The following SOBP variants were observed in gnomAD, a reference collection of about 807,000 sequenced individuals.
The protein encoded by SOBP is sine oculis-binding protein homolog.
In SOBP, 4 loss-of-function variants were observed where a neutral mutation model predicts 53.6. The ratio of observed to expected loss-of-function variants is 0.07; its 90% CI spans 0.04 to 0.17. The LOEUF (loss-of-function observed/expected upper bound fraction) is 0.17, where lower values mean the gene tolerates loss of function less well. SOBP is among the 10% of genes least tolerant of loss of function. The pLI, the probability that SOBP is intolerant of heterozygous loss-of-function variation, is 1.00. For synonymous variants in SOBP, 584 were observed against 522.6 expected (o/e 1.12, Z -1.60); for missense variants, 1,088 against 1,204.7 (o/e 0.90, Z 1.43).
intron 4 of SOBP, among the ~76,000 whole-genome samples, chr6:107,554,637 A>C (rs1437098509): frequency 6.6e-6 from 1 of 152,172 alleles, no homozygotes; most frequent in Non-Finnish European, 1.5e-5. Flanking sequence ...TGGAGCCACC[A>C]ATCTGCAGAA....
chr6:107,503,570 G>A (rs1782898221), intron 1 of SOBP, 87 bp from the exon 2 acceptor site: 3 of 1,438,556 alleles, frequency 2.1e-6, no homozygotes, highest in South Asian at 1.1e-5. Context: ...AAATAAATGA[G>A]GTAGGACAAG....
At chr6:107,535,440 T>C (rs1275920043) in intron 4 of SOBP, among the ~76,000 whole-genome samples, 4 of 152,242 alleles carry the variant, frequency 2.6e-5, no homozygotes, top group Non-Finnish European at 5.9e-5. Context: ...CCAGGCGTTA[T>C]TGGGATATGT....
At chr6:107,614,378 A>G (rs1028857674) in intron 5 of SOBP, among the ~76,000 whole-genome samples, 2 of 152,198 alleles carry the variant, frequency 1.3e-5, no homozygotes, top group African/African-American at 2.4e-5. Flanking sequence ...TAAAAAATAT[A>G]TATATGAAAG....
At chr6:107,573,167 G>T (rs1785125691) in intron 4 of SOBP, among the ~76,000 whole-genome samples, 1 of 152,158 alleles carries the variant, frequency 6.6e-6, no homozygotes, top group South Asian at 2.1e-4. Context: ...TGTGTAGAGG[G>T]TTAGGATCCT....
At chr6:107,599,662 A>G (rs1786105399) in intron 5 of SOBP, among the ~76,000 whole-genome samples, 1 of 151,268 alleles carries the variant, frequency 6.6e-6, no homozygotes, top group East Asian at 1.9e-4. Context: ...AAAATCCTAC[A>G]TTTCTTAATT....
chr6:107,557,417 A>G (rs566848042), intron 4 of SOBP, among the ~76,000 whole-genome samples: 1 of 152,364 alleles, frequency 6.6e-6, no homozygotes, highest in African/African-American at 2.4e-5. Context: ...CTGTCTGTAT[A>G]TCAAATTGTT....
chr6:107,542,272 G>A (rs542998414), intron 4 of SOBP, among the ~76,000 whole-genome samples: 1 of 152,286 alleles, frequency 6.6e-6, no homozygotes, highest in African/African-American at 2.4e-5. Flanking sequence ...GACGGAGCTA[G>A]TTGTGTGTGA....
At chr6:107,493,319 G>A (rs1414708054) in intron 1 of SOBP, among the ~76,000 whole-genome samples, 1 of 152,094 alleles carries the variant, frequency 6.6e-6, no homozygotes, top group Non-Finnish European at 1.5e-5. Context: ...ATCACTGCCC[G>A]GCAGAAAGAA....
chr6:107,493,039 T>C (rs1782615914), intron 1 of SOBP, among the ~76,000 whole-genome samples: 1 of 152,184 alleles, frequency 6.6e-6, no homozygotes, highest in Non-Finnish European at 1.5e-5. Context: ...AGCTCCTTAA[T>C]ATCTTTCTGT....
At chr6:107,548,432 C>T (rs944987483) in intron 4 of SOBP, among the ~76,000 whole-genome samples, 5 of 151,860 alleles carry the variant, frequency 3.3e-5, no homozygotes, top group East Asian at 2.0e-4. Context: ...TTAGTAGAGA[C>T]AGGGTTTCAT....
At chr6:107,553,345 T>TA (rs201352280) in intron 4 of SOBP, among the ~76,000 whole-genome samples, 10 of 147,774 alleles carry the variant, frequency 6.8e-5, no homozygotes, top group South Asian at 2.2e-4. Flanking sequence ...TTTATTTATT[T>TA]TGAGACAGAG....
At chr6:107,627,362 G>A (rs1770505385) in intron 5 of SOBP, among the ~76,000 whole-genome samples, 1 of 152,166 alleles carries the variant, frequency 6.6e-6, no homozygotes, top group Non-Finnish European at 1.5e-5. Flanking sequence ...TGAAAACCAA[G>A]CCCATCTCTG....
intron 4 of SOBP, among the ~76,000 whole-genome samples, chr6:107,586,267 G>GAGAGC (rs1317732468): frequency 1.3e-5 from 2 of 152,220 alleles, no homozygotes; most frequent in African/African-American, 4.8e-5. Flanking sequence ...AAGATGAGAT[G>GAGAGC]AGAGCAGAGC....
intron 5 of SOBP, among the ~76,000 whole-genome samples, chr6:107,616,131 A>T (rs968615866): frequency 1.8e-4 from 27 of 150,934 alleles, no homozygotes; most frequent in Non-Finnish European, 3.2e-4. Flanking sequence ...AGTCTCTAAT[A>T]AATCAGGAGC....
intron 4 of SOBP, among the ~76,000 whole-genome samples, chr6:107,581,684 C>T (rs945559433): frequency 6.6e-6 from 1 of 152,206 alleles, no homozygotes; most frequent in Non-Finnish European, 1.5e-5. Context: ...AAACCAGAAA[C>T]GAGATTTCAG....
At chr6:107,596,072 A>G (rs370109296) in intron 5 of SOBP, among the ~76,000 whole-genome samples, 117 of 152,336 alleles carry the variant, frequency 7.7e-4, no homozygotes, top group African/African-American at 2.6e-3. Context: ...TTTTAATTCC[A>G]GATGAGTCTG....
chr6:107,561,971 T>C (rs1427703314), intron 4 of SOBP, among the ~76,000 whole-genome samples: 1 of 152,156 alleles, frequency 6.6e-6, no homozygotes, highest in Admixed American at 6.5e-5. Flanking sequence ...AATCATGTAT[T>C]CTTTGAACTA....
intron 6 of SOBP, among the ~76,000 whole-genome samples, chr6:107,645,689 A>G (rs138911840): frequency 8.0e-4 from 122 of 152,326 alleles, no homozygotes; most frequent in African/African-American, 2.8e-3. Flanking sequence ...ATGAGCACAC[A>G]AGTATTCAGT....
rs570523041 is a variant in SOBP, at chr6:107,550,286, G to GA, written c.573+16677dup. ...CTGCAACTCAGTGAGGTCCTCAGAG[G>GA]ATGGAACTTGTCTCAGGGCTGGGTG... On this transcript the variant is annotated intron_variant, in intron 4 of 6. Transcript: ENST00000317357. Among the ~76,000 whole-genome samples, 58 of 152,314 alleles carry GA rather than the reference G, an allele frequency of 3.8e-4. 2 individuals are homozygous for GA. In the South Asian group the frequency reaches 0.011, roughly 29 times the overall value.
Sources: allele counts gnomAD v4.1 joint callset (sites outside exome capture counted in the v4.1 genomes callset), GRCh38; gene constraint gnomAD v4.1.1; transcripts MANE v1.5; gene names NCBI Gene and HGNC (gene_info 2026-07-23, HGNC 2026-07-21).